Variants in ZC3H3 observed in about 807,000 individuals in gnomAD.
ZC3H3 encodes the protein zinc finger CCCH-type containing 3.
In ZC3H3, 36 loss-of-function variants were observed where a neutral mutation model predicts 77.3. The ratio of observed to expected loss-of-function variants is 0.47; its 90% CI spans 0.36 to 0.61. The LOEUF (loss-of-function observed/expected upper bound fraction) is 0.61. ZC3H3 is among the 20% of genes least tolerant of loss of function. The pLI is 0.00. For synonymous variants in ZC3H3, 626 were observed against 555.2 expected (o/e 1.13, Z -1.79); for missense variants, 1,331 against 1,312.2 (o/e 1.01, Z -0.22).
At chr8:143,514,559 G>T (rs985374566) in intron 3 of ZC3H3, among the ~76,000 whole-genome samples, 1 of 152,242 alleles carries the variant, frequency 6.6e-6, no homozygotes, top group African/African-American at 2.4e-5. Context: ...CACGTGCATG[G>T]TCATTCCCGA....
At chr8:143,447,613 GT>G (rs1819891660) in intron 9 of ZC3H3, among the ~76,000 whole-genome samples, 1 of 152,170 alleles carries the variant, frequency 6.6e-6, no homozygotes, top group South Asian at 2.1e-4. Context: ...GGTTTAACTG[GT>G]TCACAGTTCA....
At chr8:143,511,476 A>C (rs1209918061) in intron 3 of ZC3H3, among the ~76,000 whole-genome samples, 1 of 152,208 alleles carries the variant, frequency 6.6e-6, no homozygotes, top group Admixed American at 6.5e-5. Flanking sequence ...ATGAAACTAG[A>C]ATTACTACTC....
intron 4 of ZC3H3, among the ~76,000 whole-genome samples, chr8:143,496,253 G>A (rs1222671292): frequency 2.0e-5 from 3 of 152,336 alleles, no homozygotes; most frequent in Admixed American, 6.5e-5. Flanking sequence ...GGGCAGCAGC[G>A]TGTGCCCCCA....
intron 4 of ZC3H3, among the ~76,000 whole-genome samples, chr8:143,495,322 C>A (rs1821317164): frequency 6.6e-6 from 1 of 152,350 alleles, no homozygotes; most frequent in Admixed American, 6.5e-5. Flanking sequence ...CATCTGACTC[C>A]ATTGACAGAA....
chr8:143,469,660 G>T (rs1169683484), intron 5 of ZC3H3, among the ~76,000 whole-genome samples: 1 of 151,928 alleles, frequency 6.6e-6, no homozygotes, highest in African/African-American at 2.4e-5. Flanking sequence ...GTGCTGCCAG[G>T]CCTGAGAGCC....
chr8:143,536,324 C>T lies in ZC3H3; in HGVS notation c.1494G>A (p.Leu498=), dbSNP rs1312106116. Residue 498 remains leucine, a synonymous_variant, in exon 3 of 12, where the codon CTG becomes CTA. Coordinates refer to ENST00000262577, the MANE Select transcript of ZC3H3 (RefSeq NM_015117.3). ...PVLKKTPNKG[L]VQVTTHRLCR... ...ATAGTCGGTGCGTGGTGACCTGTAC[C>T]AGGCCCTTGTTGGGGGTCTTCTTCA... 1 of 1,611,678 alleles carries T rather than the reference C, an allele frequency of 6.2e-7. No homozygotes were observed. The highest frequency in any genetic ancestry group is 8.5e-7 in the Non-Finnish European group (1 of 1,179,458).
intron 5 of ZC3H3, among the ~76,000 whole-genome samples, chr8:143,472,254 G>C (rs1218064156): frequency 1.3e-5 from 2 of 152,384 alleles, no homozygotes; most frequent in African/African-American, 2.4e-5. Context: ...GGGGGAACCA[G>C]ACTGGCTCTC....
intron 8 of ZC3H3, among the ~76,000 whole-genome samples, chr8:143,467,811 C>G (rs1204625665): frequency 7.6e-6 from 1 of 131,364 alleles, no homozygotes; most frequent in African/African-American, 2.9e-5. Context: ...ACCCAGCCCC[C>G]TCACATACAG....
At chr8:143,477,175 C>A (rs1586904021) in intron 4 of ZC3H3, among the ~76,000 whole-genome samples, 1 of 152,316 alleles carries the variant, frequency 6.6e-6, no homozygotes, top group Middle Eastern at 3.4e-3. Flanking sequence ...CCTCCAAGGG[C>A]CCATTAGAGA....
In ZC3H3 at chr8:143,494,941, G is replaced by A. The variant is rs1349784042; in HGVS notation, c.1715+12805C>T. On this transcript the variant is annotated intron_variant, in intron 4 of 11. Transcript: ENST00000262577. The surrounding 1 kb of genome is among the most constrained non-coding windows in gnomAD (Gnocchi z 5.3). ...CAGGGAAACGCAAATGAAAACCACA[G>A]TGAGAGGCCACACACGTGAGAATGC... Among the ~76,000 whole-genome samples the A allele has an allele frequency of 6.6e-6, 1 of 152,220 alleles. No homozygotes were observed. The highest frequency in any genetic ancestry group is 6.5e-5 in the Admixed American group (1 of 15,278).
chr8:143,451,260 A>C (rs909602038), intron 9 of ZC3H3, among the ~76,000 whole-genome samples: 1 of 152,202 alleles, frequency 6.6e-6, no homozygotes, highest in African/African-American at 2.4e-5. Context: ...GACAGAAGTC[A>C]ATGAAAAAGA....
At chr8:143,441,761 T>G (rs1819748346) in intron 9 of ZC3H3, among the ~76,000 whole-genome samples, 1 of 152,124 alleles carries the variant, frequency 6.6e-6, no homozygotes, top group Non-Finnish European at 1.5e-5. Context: ...CAGCCTGGCC[T>G]GTGGTGCAGG....
In ZC3H3 at chr8:143,504,705, G is replaced by C. The variant is rs138459386; in HGVS notation, c.1715+3041C>G. Among the ~76,000 whole-genome samples, 1,322 of 152,254 alleles carry C rather than the reference G, an allele frequency of 8.7e-3. 16 individuals are homozygous for C. Among genetic ancestry groups the C allele is most frequent in the African/African-American group, 0.03 (1,258 of 41,534 alleles). Reference sequence around the variant, plus strand: ...ACCTGGGACCTTCATGTGCATCCTGGGGCAGGGTCAGCCTGGCCTTCACAC... The same window carrying C: ...ACCTGGGACCTTCATGTGCATCCTGCGGCAGGGTCAGCCTGGCCTTCACAC... On this transcript the variant is annotated intron_variant, in intron 4 of 11. Coordinates refer to ENST00000262577, the MANE Select transcript of ZC3H3 (RefSeq NM_015117.3).
chr8:143,539,354 G>A (rs200148069), intron 1 of ZC3H3, 34 bp from the exon 2 acceptor site: 2 of 1,551,122 alleles, frequency 1.3e-6, no homozygotes, highest in Non-Finnish European at 1.7e-6. Flanking sequence ...CAGTTAGCCA[G>A]AGGGTAACCG....
intron 3 of ZC3H3, among the ~76,000 whole-genome samples, chr8:143,520,326 G>A (rs1429588028): frequency 6.6e-6 from 1 of 152,226 alleles, no homozygotes; most frequent in African/African-American, 2.4e-5. Flanking sequence ...GACTTGGGAG[G>A]AAGTAAGAGC....
chr8:143,467,249 A>T (rs1820434311), intron 8 of ZC3H3, among the ~76,000 whole-genome samples: 1 of 152,190 alleles, frequency 6.6e-6, no homozygotes, highest in Admixed American at 6.5e-5. Context: ...CTTGGCTGTC[A>T]GAGCGGGGCT....
At chr8:143,465,294 T>C (rs1355271631) in intron 9 of ZC3H3, among the ~76,000 whole-genome samples, 1 of 151,278 alleles carries the variant, frequency 6.6e-6, no homozygotes, top group Non-Finnish European at 1.5e-5. Context: ...GAGTGTCCCG[T>C]CCACCCCCTG....
intron 4 of ZC3H3, among the ~76,000 whole-genome samples, chr8:143,483,057 C>T (rs185055527): frequency 1.3e-5 from 2 of 152,318 alleles, no homozygotes; most frequent in East Asian, 1.9e-4. Flanking sequence ...AGAAAACAAC[C>T]GGAGAAGCAT....
rs1232156832 is a variant in ZC3H3 at position 143,530,489 on chromosome 8, C to T, written c.1561+5768G>A. Among the ~76,000 whole-genome samples the T allele has an allele frequency of 1.3e-5, 2 of 152,132 alleles. No individual in the cohort carries two copies. Among genetic ancestry groups the T allele is most frequent in the Admixed American group, 6.5e-5 (1 of 15,290 alleles). On this transcript the variant is annotated intron_variant, in intron 3 of 11. Coordinates refer to ENST00000262577, the MANE Select transcript of ZC3H3 (RefSeq NM_015117.3). The surrounding 1 kb of genome is among the most constrained non-coding windows in gnomAD (Gnocchi z 4.3). The stretch of plus-strand genomic sequence containing the variant: ...GGCTGGTAGGAATCCCATCACCTCC[C>T]GCCACCAAGAAGCTCCCCAGCCTGG...
Sources: allele counts gnomAD v4.1 joint callset (sites outside exome capture counted in the v4.1 genomes callset), GRCh38; gene constraint gnomAD v4.1.1; non-coding constraint Gnocchi (gnomAD v3.1); transcripts MANE v1.5; gene names NCBI Gene and HGNC (gene_info 2026-07-23, HGNC 2026-07-21).